OSBP2: variants seen among roughly 807,000 people sequenced by gnomAD.
The protein encoded by OSBP2 is oxysterol-binding protein 2.
In OSBP2, 66 loss-of-function variants were observed where a neutral mutation model predicts 96.0. The observed-to-expected ratio is 0.69, with a 90% CI of 0.56 to 0.84. The LOEUF (loss-of-function observed/expected upper bound fraction) is 0.84, where lower values mean the gene tolerates loss of function less well. OSBP2 is among the 40% of genes least tolerant of loss of function. The pLI is 0.00. For synonymous variants in OSBP2, 525 were observed against 520.9 expected (o/e 1.01, Z -0.11); for missense variants, 1,038 against 1,222.7 (o/e 0.85, Z 2.25).
chr22:30,861,150 G>A (rs1183056251), intron 2 of OSBP2, among the ~76,000 whole-genome samples: 2 of 152,162 alleles, frequency 1.3e-5, no homozygotes, highest in Non-Finnish European at 2.9e-5. Context: ...CGGGGGTATT[G>A]GGAAGTGATT....
At chr22:30,761,110 G>A (rs2090199911) in intron 2 of OSBP2, among the ~76,000 whole-genome samples, 1 of 152,098 alleles carries the variant, frequency 6.6e-6, no homozygotes. Context: ...ATACTAGCCA[G>A]TATTATAATG....
At chr22:30,717,090 T>TTTTTTTTTGTGTGTGTG (rs71328866) in intron 1 of OSBP2, among the ~76,000 whole-genome samples, 1 of 118,320 alleles carries the variant, frequency 8.5e-6, no homozygotes, top group African/African-American at 3.2e-5. Context: ...TTTACTGTTT[T>TTTTTTTTTGTGTGTGTG]TGTGTGTGTG....
chr22:30,770,972 G>A (rs136326), intron 2 of OSBP2, among the ~76,000 whole-genome samples: 10,229 of 152,278 alleles, frequency 0.067, 345 homozygotes, highest in Middle Eastern at 0.095. Flanking sequence ...GCAACTTGCC[G>A]CCTTCCAGGT....
chr22:30,870,772 T>G lies in OSBP2; in HGVS notation c.1107+90T>G. The G allele has an allele frequency of 7.3e-7, 1 of 1,372,428 alleles. No individual in the cohort carries two copies. Among genetic ancestry groups the G allele is most frequent in the Non-Finnish European group, 1.0e-6 (1 of 997,518 alleles). The allele number at this position is 1,372,428 out of a possible 1,614,324, so 85.0% of individuals were successfully genotyped here. A position where few individuals can be genotyped will look rare whatever the true frequency, so the allele number is the denominator to read the frequency against. The stretch of plus-strand genomic sequence containing the variant: ...GGGTGACCAGGGTCAGCTTGAAGGG[T>G]CAGCGTTCCATTTCCTGCGGTTCCA... On this transcript the variant is annotated intron_variant, in intron 3 of 13. Coordinates refer to ENST00000332585, the MANE Select transcript of OSBP2 (RefSeq NM_030758.4). This position sits in a 1 kb window ranked among gnomAD's most constrained non-coding sequence, Gnocchi z 4.1.
At chr22:30,751,345 A>G (rs1176886457) in intron 2 of OSBP2, among the ~76,000 whole-genome samples, 1 of 151,112 alleles carries the variant, frequency 6.6e-6, no homozygotes, top group Non-Finnish European at 1.5e-5. Context: ...ATATATATGT[A>G]TATATATATA....
rs186721069 is a variant in OSBP2, at chr22:30,756,917, C to T, written c.853+15548C>T. Among the ~76,000 whole-genome samples the T allele has an allele frequency of 1.5e-3, 229 of 152,228 alleles. 5 individuals are homozygous for T. The highest frequency in any genetic ancestry group is 1.3e-4 in the Non-Finnish European group (9 of 68,016). On this transcript the variant is annotated intron_variant, in intron 2 of 13. Coordinates refer to ENST00000332585, the MANE Select transcript of OSBP2 (RefSeq NM_030758.4). ...CACACGTACACATGCTATGCAGCCACGTTCTGCAGTGACCCTCCCAGCCAT... is the reference window on the plus strand; with the variant it reads ...CACACGTACACATGCTATGCAGCCATGTTCTGCAGTGACCCTCCCAGCCAT...
chr22:30,881,894 G>GT lies in OSBP2; in HGVS notation c.1108-5531dup. 8.6e-7 allele frequency: 1 copy of GT among 1,159,494 alleles called. No homozygotes were observed. Among genetic ancestry groups the GT allele is most frequent in the Non-Finnish European group, 1.1e-6 (1 of 869,742 alleles). The allele number at this position is 1,159,494 out of a possible 1,614,324, so 71.8% of individuals were successfully genotyped here. A position where few individuals can be genotyped will look rare whatever the true frequency, so the allele number is the denominator to read the frequency against. On this transcript the variant is annotated intron_variant, in intron 3 of 13. Transcript: ENST00000332585. The surrounding 1 kb of genome is among the most constrained non-coding windows in gnomAD (Gnocchi z 4.5). The stretch of plus-strand genomic sequence containing the variant: ...TGTGCTGTGGGGGTAAAGGTCTTGG[G>GT]TGCAGCCACATGAGGCCTTTGATAT...
Position 30,890,889 on chromosome 22 carries a change from C to T in OSBP2, c.1785C>T (p.Ile595=), listed in dbSNP as rs376366597. 118 of 1,613,692 alleles carry T rather than the reference C, an allele frequency of 7.3e-5. No individual in the cohort carries two copies. The highest frequency in any genetic ancestry group is 6.9e-4 in the South Asian group (63 of 91,090). ...CCTACTCCACCACAGTGCACCGCATCGCCAAGCCCTTCAACCCCATGCTGG... is the reference window on the plus strand; with the variant it reads ...CCTACTCCACCACAGTGCACCGCATTGCCAAGCCCTTCAACCCCATGCTGG... ...VSSYSTTVHR[I]AKPFNPMLGE... The change falls in exon 8 of 14, where the codon ATC becomes ATT. Residue 595 remains isoleucine (I), a synonymous_variant. Coordinates refer to ENST00000332585, the MANE Select transcript of OSBP2 (RefSeq NM_030758.4). The surrounding 1 kb of genome is among the most constrained non-coding windows in gnomAD (Gnocchi z 4.4).
At chr22:30,778,047 G>A (rs1474865705) in intron 2 of OSBP2, among the ~76,000 whole-genome samples, 1 of 151,878 alleles carries the variant, frequency 6.6e-6, no homozygotes, top group Non-Finnish European at 1.5e-5. Context: ...CCAGGCTAGA[G>A]TGCAGTGGTG....
At position 30,695,410 on chromosome 22, in the gene OSBP2, G is replaced by A. The variant is rs201705189; in HGVS notation, c.501G>A (p.Ser167=). ...AGACTCCTCTTGGGGTTCCAATGTC[G>A]GGGACTGGCACGACCTCCAGTGCCC... The part of the protein sequence containing the change: ...QAKTPLGVPM[S]GTGTTSSAPL... Residue 167 remains serine, a synonymous_variant, in exon 1 of 14, where the codon TCG becomes TCA. Transcript: ENST00000332585. The A allele has an allele frequency of 3.7e-6, 6 of 1,613,812 alleles. No individual in the cohort carries two copies. The highest frequency in any genetic ancestry group is 5.1e-6 in the Non-Finnish European group (6 of 1,180,038).
intron 2 of OSBP2, chr22:30,764,123 C>G (rs2090240566): frequency 2.3e-6 from 1 of 428,566 alleles, no homozygotes; most frequent in Non-Finnish European, 3.1e-6. Context: ...GGGGGGCTAG[C>G]CTAGCGCCTC....
chr22:30,856,804 A>G (rs2039089043), intron 2 of OSBP2, among the ~76,000 whole-genome samples: 1 of 152,040 alleles, frequency 6.6e-6, no homozygotes, highest in African/African-American at 2.4e-5. Context: ...TTATGAATTT[A>G]TAGTAAGAAA....
At chr22:30,786,714 A>AG (rs1195877540) in intron 2 of OSBP2, among the ~76,000 whole-genome samples, 1 of 554 alleles carries the variant, frequency 1.8e-3, no homozygotes, top group African/African-American at 7.0e-3. Flanking sequence ...GCAGGAGCAG[A>AG]GGGTGGGGGT....
At chr22:30,901,393 A>G (rs1358902832) in intron 12 of OSBP2, among the ~76,000 whole-genome samples, 2 of 152,202 alleles carry the variant, frequency 1.3e-5, no homozygotes, top group East Asian at 3.8e-4. Context: ...CTAATCAACA[A>G]TTAATGTAAA....
chr22:30,768,997 G>A (rs554846938), intron 2 of OSBP2, among the ~76,000 whole-genome samples: 2 of 152,358 alleles, frequency 1.3e-5, no homozygotes, highest in African/African-American at 4.8e-5. Context: ...AGGCTGGCAG[G>A]ACTGTGACGT....
At chr22:30,896,663 T>A (rs77798980) in intron 12 of OSBP2, among the ~76,000 whole-genome samples, 1 of 151,148 alleles carries the variant, frequency 6.6e-6, no homozygotes, top group East Asian at 1.9e-4. Context: ...TTTTTTTTTT[T>A]AAGAGACAGA....
intron 12 of OSBP2, among the ~76,000 whole-genome samples, chr22:30,903,087 T>C (rs1469776596): frequency 4.6e-5 from 7 of 152,212 alleles, no homozygotes; most frequent in Admixed American, 1.3e-4. Context: ...CCCCAGAGGA[T>C]CGGAGGTGGC....
At chr22:30,854,396 C>A (rs2039039665) in intron 2 of OSBP2, among the ~76,000 whole-genome samples, 1 of 149,900 alleles carries the variant, frequency 6.7e-6, no homozygotes, top group Non-Finnish European at 1.5e-5. Flanking sequence ...GCAACCTCCA[C>A]CTCCCAGGTT....
intron 1 of OSBP2, among the ~76,000 whole-genome samples, chr22:30,709,605 T>G (rs1324740299): frequency 2.0e-5 from 3 of 152,044 alleles, no homozygotes; most frequent in Non-Finnish European, 4.4e-5. Context: ...AAACTCCACC[T>G]CCCAGATTCA....
Sources: allele counts gnomAD v4.1 joint callset (sites outside exome capture counted in the v4.1 genomes callset), GRCh38; gene constraint gnomAD v4.1.1; non-coding constraint Gnocchi (gnomAD v3.1); transcripts MANE v1.5; gene names NCBI Gene and HGNC (gene_info 2026-07-23, HGNC 2026-07-21).